SLC35F4: variants seen among roughly 807,000 people sequenced by gnomAD.
SLC35F4 encodes the protein chromosome 14 open reading frame 36.
A neutral mutation model predicts 44.2 loss-of-function variants in SLC35F4; 24 were observed. The ratio of observed to expected loss-of-function variants is 0.54; its 90% CI spans 0.39 to 0.76. The LOEUF (loss-of-function observed/expected upper bound fraction) is 0.76. Ranked by LOEUF, SLC35F4 falls within the 30% of genes least tolerant of loss-of-function variation. The pLI is 0.00. For missense variants in SLC35F4, 562 were observed against 586.1 expected, an observed-to-expected ratio of 0.96 and a Z score of 0.42; for synonymous variants, 238 against 223.6, an observed-to-expected ratio of 1.06 and a Z score of -0.57.
intron 1 of SLC35F4, among the ~76,000 whole-genome samples, chr14:57,969,546 C>T (rs1880990922): frequency 6.6e-6 from 1 of 152,154 alleles, no homozygotes; most frequent in Admixed American, 6.5e-5. Context: ...ATTCTCTATA[C>T]ATATACACTT....
intron 1 of SLC35F4, among the ~76,000 whole-genome samples, chr14:57,830,175 G>C (rs550972671): frequency 5.9e-5 from 9 of 152,126 alleles, no homozygotes; most frequent in Non-Finnish European, 1.2e-4. Flanking sequence ...TGTTTATGTA[G>C]CATTATTTCC....
At chr14:57,959,224 T>A (rs1430183857) in intron 1 of SLC35F4, among the ~76,000 whole-genome samples, 1 of 152,154 alleles carries the variant, frequency 6.6e-6, no homozygotes, top group Admixed American at 6.5e-5. Context: ...AAAAAGCAGG[T>A]TTTTTAACTT....
intron 1 of SLC35F4, among the ~76,000 whole-genome samples, chr14:57,646,213 T>C (rs1487435665): frequency 6.6e-6 from 1 of 152,240 alleles, no homozygotes; most frequent in Non-Finnish European, 1.5e-5. Flanking sequence ...AGCTCCTCTT[T>C]GTACCTCTGG....
intron 1 of SLC35F4, among the ~76,000 whole-genome samples, chr14:57,717,383 T>A (rs1036008689): frequency 1.3e-5 from 2 of 152,156 alleles, no homozygotes; most frequent in African/African-American, 2.4e-5. Flanking sequence ...ACCCCTGTAA[T>A]CCCAGCACTT....
intron 1 of SLC35F4, among the ~76,000 whole-genome samples, chr14:57,960,144 T>C (rs558568606): frequency 6.6e-6 from 1 of 152,352 alleles, no homozygotes; most frequent in African/African-American, 2.4e-5. Flanking sequence ...GTAAGGGTTA[T>C]GTGTGAGCCA....
At chr14:57,835,064 T>C (rs1884774086) in intron 1 of SLC35F4, among the ~76,000 whole-genome samples, 1 of 152,054 alleles carries the variant, frequency 6.6e-6, no homozygotes, top group Non-Finnish European at 1.5e-5. Flanking sequence ...ATAACCAAAC[T>C]AGAATGGTTG....
chr14:57,921,028 ATTATT>A (rs1387529837), intron 1 of SLC35F4, among the ~76,000 whole-genome samples: 1 of 152,218 alleles, frequency 6.6e-6, no homozygotes, highest in Non-Finnish European at 1.5e-5. Flanking sequence ...GTGTTCTCCT[ATTATT>A]TTAGACACTC....
intron 1 of SLC35F4, among the ~76,000 whole-genome samples, chr14:57,965,694 A>G (rs183471275): frequency 6.6e-6 from 1 of 152,342 alleles, no homozygotes; most frequent in East Asian, 1.9e-4. Context: ...AAAACAGGTC[A>G]TCTTATTAGT....
chr14:57,770,439 T>C (rs758656522), intron 1 of SLC35F4, among the ~76,000 whole-genome samples: 3 of 152,234 alleles, frequency 2.0e-5, no homozygotes, highest in Non-Finnish European at 4.4e-5. Flanking sequence ...TCAGAAATAC[T>C]GTATTTTCAG....
At chr14:57,908,341 C>T (rs1228320653) in intron 1 of SLC35F4, among the ~76,000 whole-genome samples, 1 of 152,112 alleles carries the variant, frequency 6.6e-6, no homozygotes, top group Non-Finnish European at 1.5e-5. Context: ...TGATATTTCT[C>T]GTTCTAGATC....
chr14:57,858,067 TTTGCA>T (rs1214727517), intron 1 of SLC35F4, among the ~76,000 whole-genome samples: 1 of 151,910 alleles, frequency 6.6e-6, no homozygotes, highest in Non-Finnish European at 1.5e-5. Flanking sequence ...TAGGAACACT[TTTGCA>T]CTGTTGGTGG....
chr14:57,931,018 T>C (rs808224), intron 1 of SLC35F4, among the ~76,000 whole-genome samples: 149,322 of 152,338 alleles, frequency 0.98, 73,219 homozygotes, highest in East Asian at 1. Flanking sequence ...TATGGGAAAA[T>C]GAAGTATTAA....
At chr14:57,654,273 C>A (rs369403030) in intron 1 of SLC35F4, among the ~76,000 whole-genome samples, 13 of 152,088 alleles carry the variant, frequency 8.5e-5, no homozygotes, top group East Asian at 5.8e-4. Flanking sequence ...AATACATAAT[C>A]CATTGTATCA....
chr14:57,841,832 A>G, intron 1 of SLC35F4, among the ~76,000 whole-genome samples: 1 of 152,220 alleles, frequency 6.6e-6, no homozygotes, highest in Non-Finnish European at 1.5e-5. Flanking sequence ...CCAAACAAAA[A>G]AAAATGGAAA....
intron 1 of SLC35F4, among the ~76,000 whole-genome samples, chr14:57,943,083 T>C (rs1889943935): frequency 6.6e-6 from 1 of 152,338 alleles, no homozygotes; most frequent in South Asian, 2.1e-4. Context: ...CCCCATTCCC[T>C]AGAAACATCA....
chr14:57,634,539 C>A (rs531027246), intron 1 of SLC35F4, among the ~76,000 whole-genome samples: 1 of 152,132 alleles, frequency 6.6e-6, no homozygotes, highest in East Asian at 1.9e-4. Context: ...CAGCACCATT[C>A]ATTGGAAAAA....
At chr14:57,667,661 A>G (rs1043859625) in intron 1 of SLC35F4, among the ~76,000 whole-genome samples, 6 of 151,842 alleles carry the variant, frequency 4.0e-5, no homozygotes. Context: ...AAAGGACATG[A>G]ACTCATCCTT....
At chr14:57,895,107 T>C (rs1271443904) in intron 1 of SLC35F4, among the ~76,000 whole-genome samples, 1 of 152,052 alleles carries the variant, frequency 6.6e-6, no homozygotes, top group Non-Finnish European at 1.5e-5. Flanking sequence ...ACCCAAATAA[T>C]GTCACTTGGC....
chr14:57,855,169 C>T (rs1294408874), intron 1 of SLC35F4, among the ~76,000 whole-genome samples: 1 of 152,148 alleles, frequency 6.6e-6, no homozygotes, highest in Non-Finnish European at 1.5e-5. Context: ...TGTGAGGCAA[C>T]TATTATCATT....
Sources: gnomAD v4.1 joint callset for allele counts (sites outside exome capture counted in the v4.1 genomes callset) on GRCh38, gnomAD v4.1.1 for gene constraint, MANE v1.5 for transcripts, NCBI Gene and HGNC (gene_info 2026-07-23, HGNC 2026-07-21) for gene names.